CEP83: variants seen among roughly 807,000 people sequenced by gnomAD.
CEP83 encodes centrosomal protein of 83 kDa.
CEP83 carries 70 observed loss-of-function variants against 101.9 expected under a neutral mutation model. That is an observed-to-expected ratio of 0.69 (90% CI 0.57 to 0.84). CEP83 has a LOEUF of 0.84. CEP83 is among the 40% of genes least tolerant of loss of function. The pLI is 0.00. For synonymous variants in CEP83, 264 were observed against 267.9 expected, an observed-to-expected ratio of 0.99 and a Z score of 0.14; for missense variants, 715 against 787.2, an observed-to-expected ratio of 0.91 and a Z score of 1.10.
chr12:94,369,594 C>G (rs1273149584), intron 9 of CEP83: 1 of 173,920 alleles, frequency 5.7e-6, no homozygotes, highest in African/African-American at 2.4e-5. Context: ...TCCTCACATT[C>G]TCCAGACTTA....
intron 12 of CEP83, among the ~76,000 whole-genome samples, chr12:94,333,846 C>G (rs2059343130): frequency 6.6e-6 from 1 of 152,106 alleles, no homozygotes; most frequent in African/African-American, 2.4e-5. Flanking sequence ...CTATATTCCT[C>G]AGTCACTGAG....
chr12:94,297,298 C>G, the CEP83 span: 1 of 1,612,918 alleles, frequency 6.2e-7, no homozygotes, highest in African/African-American at 1.3e-5. Flanking sequence ...GGTAACGCTT[C>G]TGCTGTCTTC....
intron 2 of CEP83, among the ~76,000 whole-genome samples, chr12:94,427,889 C>T (rs564475658): frequency 6.6e-6 from 1 of 151,970 alleles, no homozygotes; most frequent in Non-Finnish European, 1.5e-5. Flanking sequence ...GGATGTCTTG[C>T]GTACAAAAAA....
intron 14 of CEP83, among the ~76,000 whole-genome samples, chr12:94,322,964 G>GT (rs2058811488): frequency 6.6e-6 from 1 of 152,222 alleles, no homozygotes; most frequent in Non-Finnish European, 1.5e-5. Flanking sequence ...TAAAAAAGCA[G>GT]TCTGGATGCT....
At chr12:94,443,550 T>C (rs566951360) in intron 1 of CEP83, among the ~76,000 whole-genome samples, 10 of 152,248 alleles carry the variant, frequency 6.6e-5, no homozygotes, top group African/African-American at 2.4e-4. Flanking sequence ...TAGAGTACAA[T>C]GGCGCAATCT....
At chr12:94,284,061 C>T in the CEP83 span, among the ~76,000 whole-genome samples, 31 of 137,202 alleles carry the variant, frequency 2.3e-4, no homozygotes, top group Admixed American at 1.8e-3. Context: ...CCAGCCTGTG[C>T]GACAGAGCAA....
At position 94,367,899 on chromosome 12, in the gene CEP83, ACTTT is replaced by A. The variant is rs780500128; in HGVS notation, c.1234_1237del (p.Lys412TrpfsTer37). 11 of 1,613,596 alleles carry A rather than the reference ACTTT, an allele frequency of 6.8e-6. No homozygotes were observed. Among genetic ancestry groups the A allele is most frequent in the Non-Finnish European group, 8.5e-6 (10 of 1,179,794 alleles). On this transcript the variant is annotated frameshift_variant, in exon 11 of 17. Coordinates refer to ENST00000397809, the MANE Select transcript of CEP83 (RefSeq NM_016122.3). LOFTEE classifies it high-confidence loss of function. ...AGATTGCCTCCAGACATCATGTTCC[ACTTT>A]CATTTTCTCCAAATCTGCTAATCTG...
the CEP83 span, among the ~76,000 whole-genome samples, chr12:94,281,459 C>T: frequency 6.6e-6 from 1 of 152,128 alleles, no homozygotes; most frequent in Admixed American, 6.6e-5. Flanking sequence ...AAAGGACTCG[C>T]CATCCAAGGG....
At chr12:94,265,763 C>T in the CEP83 span, among the ~76,000 whole-genome samples, 13 of 152,164 alleles carry the variant, frequency 8.5e-5, no homozygotes, top group East Asian at 5.8e-4. Context: ...TTTAGAGGAA[C>T]GCTGTAAATC....
chr12:94,409,319 T>C (rs1376273058), intron 4 of CEP83, among the ~76,000 whole-genome samples: 1 of 151,946 alleles, frequency 6.6e-6, no homozygotes, highest in African/African-American at 2.4e-5. Context: ...ACTAGATATG[T>C]TTATCTTAAA....
At chr12:94,333,060 A>C (rs2059298300) in intron 13 of CEP83, among the ~76,000 whole-genome samples, 1 of 151,212 alleles carries the variant, frequency 6.6e-6, no homozygotes, top group Admixed American at 6.6e-5. Flanking sequence ...AAAAAAAAAA[A>C]AAAAACAAAT....
chr12:94,271,397 T>G, the CEP83 span, among the ~76,000 whole-genome samples: 1 of 152,234 alleles, frequency 6.6e-6, no homozygotes, highest in Admixed American at 6.5e-5. Context: ...CCTTGATTCA[T>G]CCTGCCAGCC....
At chr12:94,431,593 G>A (rs764460630) in intron 2 of CEP83, among the ~76,000 whole-genome samples, 11 of 148,286 alleles carry the variant, frequency 7.4e-5, no homozygotes, top group South Asian at 2.1e-4. Context: ...AAAACTTAAC[G>A]GTAAAAAAAA....
At chr12:94,277,190 T>C in the CEP83 span, 1 of 152,218 alleles carries the variant, frequency 6.6e-6, no homozygotes, top group African/African-American at 2.4e-5. Flanking sequence ...GCCTTCCTGC[T>C]GGGTCCTCAC....
downstream of CEP83, among the ~76,000 whole-genome samples, chr12:94,304,886 G>T (rs967859423): frequency 6.6e-6 from 1 of 152,210 alleles, no homozygotes; most frequent in Non-Finnish European, 1.5e-5. Context: ...AGGAATGCTT[G>T]CTGTGCTTGG....
At chr12:94,340,121 T>G (rs185480319) in intron 11 of CEP83, among the ~76,000 whole-genome samples, 1 of 152,242 alleles carries the variant, frequency 6.6e-6, no homozygotes, top group East Asian at 1.9e-4. Flanking sequence ...AAACGTTCAT[T>G]AAAAGCTCAA....
chr12:94,351,885 A>G (rs2060214066), intron 11 of CEP83, among the ~76,000 whole-genome samples: 1 of 152,232 alleles, frequency 6.6e-6, no homozygotes, highest in African/African-American at 2.4e-5. Flanking sequence ...CATGAGATTC[A>G]TTCTACAAAA....
the CEP83 span, among the ~76,000 whole-genome samples, chr12:94,301,349 T>C: frequency 1.3e-5 from 2 of 152,240 alleles, no homozygotes; most frequent in South Asian, 4.1e-4. Context: ...CTATGGACAC[T>C]GATAAACTAT....
At chr12:94,312,785 G>A (rs2136295410) in intron 15 of CEP83, 129 bp downstream of exon 15, 2 of 1,272,750 alleles carry the variant, frequency 1.6e-6, no homozygotes, top group East Asian at 3.0e-5. Context: ...TACATTAGGA[G>A]TTATCAAGCT....
Sources: allele counts gnomAD v4.1 joint callset (sites outside exome capture counted in the v4.1 genomes callset), GRCh38; gene constraint gnomAD v4.1.1; transcripts MANE v1.5; gene names NCBI Gene and HGNC (gene_info 2026-07-23, HGNC 2026-07-21).